The following HIF3A variants were observed in gnomAD, a reference collection of about 807,000 sequenced individuals.
HIF3A encodes the protein hypoxia-inducible factor 3-alpha.
A neutral mutation model predicts 67.2 loss-of-function variants in HIF3A; 41 were observed. That is an observed-to-expected ratio of 0.61 (90% CI 0.48 to 0.79). The LOEUF (loss-of-function observed/expected upper bound fraction) is 0.79. Ranked by LOEUF, HIF3A falls within the 30% of genes least tolerant of loss-of-function variation. The pLI is 0.00. For missense variants in HIF3A, 855 were observed against 898.0 expected (o/e 0.95, Z 0.61); for synonymous variants, 356 against 374.8 (o/e 0.95, Z 0.58).
At chr19:46,312,944 C>G (rs1601258218) in intron 8 of HIF3A, 1 of 741,938 alleles carries the variant, frequency 1.3e-6, no homozygotes, top group Non-Finnish European at 1.6e-6. Flanking sequence ...ATTGTTAATT[C>G]AAATTAGAAA....
intron 12 of HIF3A, 49 bp from the exon 13 acceptor site, chr19:46,331,107 A>C (rs1971180672): frequency 3.4e-6 from 5 of 1,472,580 alleles, no homozygotes; most frequent in Non-Finnish European, 3.8e-6. Context: ...TGTTATCCAC[A>C]CTTGCCCAGG....
rs751324037 is a variant in HIF3A at position 46,309,229 on chromosome 19, C to A, written c.640C>A (p.Pro214Thr). ...TCCAGCTGGGAGCCCTGACTCAGAG[C>A]CCCCGCTGCAGTGCCTGGTGCTCAT... ...TSPAGSPDSE[P>T]PLQCLVLICE... Residue 214 changes from proline (P) to threonine (T), a missense_variant, in exon 6 of 15, where the codon CCC becomes ACC. Coordinates refer to ENST00000377670, the MANE Select transcript of HIF3A (RefSeq NM_152795.4). 2.5e-6 allele frequency: 4 copies of A among 1,613,876 alleles called. No homozygotes were observed. The highest frequency in any genetic ancestry group is 2.5e-6 in the Non-Finnish European group (3 of 1,179,916).
intron 2 of HIF3A, chr19:46,304,910 T>TG: frequency 2.5e-6 from 1 of 399,872 alleles, no homozygotes. Flanking sequence ...CCTTAGGCCC[T>TG]GGCCCCTTCA....
intron 1 of HIF3A, among the ~76,000 whole-genome samples, chr19:46,302,924 G>A (rs1165325393): frequency 6.6e-6 from 1 of 152,208 alleles, no homozygotes; most frequent in Non-Finnish European, 1.5e-5. Flanking sequence ...GAAAGACCTG[G>A]AGTTTGAATT....
At chr19:46,339,482 C>T (rs374397454) in intron 14 of HIF3A, 43 bp from the exon 15 acceptor site, 25 of 1,304,462 alleles carry the variant, frequency 1.9e-5, no homozygotes, top group African/African-American at 1.3e-4. Flanking sequence ...ATTTATCTTT[C>T]GTCTTTTACC....
chr19:46,314,346 G>A lies in HIF3A; in HGVS notation c.1025+1693G>A, dbSNP rs370727047. On this transcript the variant is annotated intron_variant, in intron 8 of 14. Transcript: ENST00000377670. ...TGGGCAAAGTGGTTAAGACTCAACC[G>A]CAAAAAAAGAAAAACAGAAAACCTG... 1.7e-4 allele frequency among the ~76,000 whole-genome samples: 23 copies of A among 138,214 alleles called. 5 individuals are homozygous for A. Among genetic ancestry groups the A allele is most frequent in the East Asian group, 1.2e-3 (5 of 4,144 alleles). The allele number at this position is 138,214 out of a possible 152,430, so 90.7% of individuals were successfully genotyped here.
Position 46,329,209 on chromosome 19 carries a change from T to G in HIF3A, c.1443T>G (p.Asp481Glu). The G allele has an allele frequency of 6.2e-7, 1 of 1,603,088 alleles. No individual in the cohort carries two copies. Among genetic ancestry groups the G allele is most frequent in the South Asian group, 1.1e-5 (1 of 89,860 alleles). ...TACCTCCCTCCTGCCCTCCGCAGGA[T>G]GCTGATGCTCTGGATTTGGAGATGC... ...AVETDLDIAQ[D>E]ADALDLEMLA... The change falls in exon 12 of 15, where the codon GAT (aspartate) becomes GAG (glutamate). Residue 481 changes from aspartate (D) to glutamate (E), a missense_variant and splice_region_variant. Around this residue, in one of 3 missense-constraint regions of HIF3A, gnomAD observed 638 missense variants for 660.5 expected, o/e 0.97. Transcript: ENST00000377670.
Position 46,308,745 on chromosome 19 carries a change from C to T in HIF3A, c.531C>T (p.Arg177=). ...AGAGTACACTCACCAGCCGCGGGCG[C>T]ACCCTCAACCTCAAGGCGGCCACCT... ...RMKSTLTSRG[R]TLNLKAATWK... The change falls in exon 5 of 15, where the codon CGC becomes CGT. Residue 177 remains arginine (R), a synonymous_variant. Transcript: ENST00000377670. 6.2e-7 allele frequency: 1 copy of T among 1,609,506 alleles called. No individual in the cohort carries two copies. The highest frequency in any genetic ancestry group is 8.5e-7 in the Non-Finnish European group (1 of 1,177,962).
intron 1 of HIF3A, among the ~76,000 whole-genome samples, chr19:46,299,327 C>A: frequency 6.6e-6 from 1 of 152,218 alleles, no homozygotes; most frequent in East Asian, 1.9e-4. Flanking sequence ...GCCAAGAGCA[C>A]AGGGCCCAAA....
chr19:46,323,270 C>T (rs1724196054), intron 10 of HIF3A, among the ~76,000 whole-genome samples: 2 of 151,792 alleles, frequency 1.3e-5, no homozygotes, highest in African/African-American at 4.8e-5. Flanking sequence ...AGGCTGGTCT[C>T]GAACTCCTGA....
intron 11 of HIF3A, 40 bp from the exon 12 acceptor site, chr19:46,329,167 T>C: frequency 6.4e-7 from 1 of 1,550,600 alleles, no homozygotes. Flanking sequence ...TCCACCCAAG[T>C]CCAAGGCTCA....
rs1340207081 is a variant in HIF3A, at chr19:46,307,995, C to CAGATAGAT, written c.364-223_364-222insTAGATAGA. Among the ~76,000 whole-genome samples, 527 of 26,898 alleles carry CAGATAGAT rather than the reference C, an allele frequency of 0.02. 2 individuals are homozygous for CAGATAGAT. In the East Asian group the frequency reaches 0.26, roughly 13 times the overall value. The allele number at this position is 26,898 out of a possible 152,430, so 17.6% of individuals were successfully genotyped here. On this transcript the variant is annotated intron_variant, in intron 3 of 14. Coordinates refer to ENST00000377670, the MANE Select transcript of HIF3A (RefSeq NM_152795.4). ...ACAGACAGACAGACAGACAGACAGA[C>CAGATAGAT]AGACAGATAGATAGATAGATAGATG...
chr19:46,332,531 C>T (rs951458867), intron 13 of HIF3A, among the ~76,000 whole-genome samples: 22 of 152,094 alleles, frequency 1.4e-4, no homozygotes, highest in Non-Finnish European at 2.8e-4. Context: ...CAGCACAAGA[C>T]GCTGTCTCAA....
rs779857572 is a variant in HIF3A, at chr19:46,320,474, C to T, written c.1057C>T (p.Leu353=). 1.9e-6 allele frequency: 3 copies of T among 1,614,140 alleles called. No individual in the cohort carries two copies. In the Admixed American group the frequency reaches 5.0e-5, roughly 27 times the overall value. ...QVEETGVVLS[L]EQTEQHSRRP... is the part of the protein sequence containing the mutation. ...GGAAGAGACCGGAGTGGTGCTGTCCCTGGAGCAAACGGAGCAACACTCTCG... is the reference window on the plus strand; with the variant it reads ...GGAAGAGACCGGAGTGGTGCTGTCCTTGGAGCAAACGGAGCAACACTCTCG... Residue 353 remains leucine, a synonymous_variant, in exon 9 of 15, where the codon CTG becomes TTG. Transcript: ENST00000377670.
chr19:46,317,996 T>C (rs867856877), intron 8 of HIF3A, among the ~76,000 whole-genome samples: 8 of 151,932 alleles, frequency 5.3e-5, no homozygotes, highest in African/African-American at 1.9e-4. Flanking sequence ...CCACCACACC[T>C]GGCTAATTTT....
intron 8 of HIF3A, among the ~76,000 whole-genome samples, chr19:46,313,664 A>T (rs373823399): frequency 6.1e-5 from 8 of 130,598 alleles, no homozygotes; most frequent in East Asian, 2.2e-4. Context: ...AATTACCACG[A>T]TTTTTTTTTT....
At chr19:46,322,283 C>G (rs1387453860) in intron 10 of HIF3A, among the ~76,000 whole-genome samples, 2 of 152,080 alleles carry the variant, frequency 1.3e-5, no homozygotes. Flanking sequence ...TTCCCACACA[C>G]CAAGCAGCGG....
chr19:46,325,650 G>A lies in HIF3A; in HGVS notation c.1440+11G>A. 3.9e-6 allele frequency: 6 copies of A among 1,553,268 alleles called. No homozygotes were observed. Among genetic ancestry groups the A allele is most frequent in the Non-Finnish European group, 5.3e-6 (6 of 1,125,676 alleles). On this transcript the variant is annotated intron_variant, in intron 11 of 14. Coordinates refer to ENST00000377670, the MANE Select transcript of HIF3A (RefSeq NM_152795.4). ...TTAGATATAGCTCAGGTAAGGGCTGGCATGGAAGGGAGTAATCCTCAGCCC... is the reference window on the plus strand; with the variant it reads ...TTAGATATAGCTCAGGTAAGGGCTGACATGGAAGGGAGTAATCCTCAGCCC...
Position 46,333,415 on chromosome 19 carries a change from G to A in HIF3A, c.1831-1490G>A, listed in dbSNP as rs572946890. 4.6e-5 allele frequency among the ~76,000 whole-genome samples: 7 copies of A among 152,274 alleles called. No homozygotes were observed. In the South Asian group the frequency reaches 1.0e-3, roughly 23 times the overall value. ...CGGGGTGGTCACTGGATCCTGCAGC[G>A]AGTGGAGTCCAGCTAATGAGGGCTG... is the stretch of plus-strand genomic sequence containing the variant. On this transcript the variant is annotated intron_variant, in intron 13 of 14. Coordinates refer to ENST00000377670, the MANE Select transcript of HIF3A (RefSeq NM_152795.4).
Sources: gnomAD v4.1 joint callset for allele counts (sites outside exome capture counted in the v4.1 genomes callset) on GRCh38, gnomAD v4.1.1 for gene constraint, gnomAD v4.1.1 regional missense constraint, MANE v1.5 for transcripts, NCBI Gene and HGNC (gene_info 2026-07-23, HGNC 2026-07-21) for gene names.